EXOC6: variants seen among roughly 807,000 people sequenced by gnomAD.
The protein encoded by EXOC6 is SEC15-like 1.
Under a neutral mutation model 112.5 loss-of-function variants are expected in EXOC6, and 60 were observed. The observed-to-expected ratio is 0.53, with a 90% CI of 0.43 to 0.66. The LOEUF (loss-of-function observed/expected upper bound fraction) is 0.66, where lower values mean the gene tolerates loss of function less well. Among genes scored for constraint, EXOC6 ranks in the 30% least tolerant of loss-of-function variants. The pLI is 0.00. For synonymous variants in EXOC6, 295 were observed against 308.0 expected (o/e 0.96, Z 0.44); for missense variants, 855 against 957.1 (o/e 0.89, Z 1.41).
At chr10:92,970,415 G>A (rs1311096031) in intron 17 of EXOC6, among the ~76,000 whole-genome samples, 1 of 151,840 alleles carries the variant, frequency 6.6e-6, no homozygotes, top group Non-Finnish European at 1.5e-5. Context: ...TAGATTATAT[G>A]CAAATACCAC....
intron 1 of EXOC6, among the ~76,000 whole-genome samples, chr10:92,852,328 C>G (rs1261082683): frequency 6.6e-6 from 1 of 152,116 alleles, no homozygotes; most frequent in Non-Finnish European, 1.5e-5. Flanking sequence ...AAAGACTTTT[C>G]TGGAAAATTG....
intron 12 of EXOC6, among the ~76,000 whole-genome samples, chr10:92,939,975 T>G (rs1248097115): frequency 6.6e-6 from 1 of 152,082 alleles, no homozygotes; most frequent in Non-Finnish European, 1.5e-5. Flanking sequence ...TACAGAAAAT[T>G]GAGGGAGAGC....
chr10:92,968,572 T>C lies in EXOC6; in HGVS notation c.1774-5481T>C, dbSNP rs1842160237. 2.0e-5 allele frequency among the ~76,000 whole-genome samples: 3 copies of C among 152,310 alleles called. No individual in the cohort carries two copies. In the South Asian group the frequency reaches 6.2e-4, roughly 32 times the overall value. ...AATAACTACACTAAGTTAAGCCAACTTGGGCAATTTGGAAGGCTTGGAATT... is the reference window on the plus strand; with the variant it reads ...AATAACTACACTAAGTTAAGCCAACCTGGGCAATTTGGAAGGCTTGGAATT... On this transcript the variant is annotated intron_variant, in intron 17 of 21. Coordinates refer to ENST00000260762, the MANE Select transcript of EXOC6 (RefSeq NM_019053.6).
rs543318944 is a variant in EXOC6 at position 92,996,424 on chromosome 10, T to C, written c.1954-1050T>C. ...TCACAAGGTCAGATCGAGACCATCC[T>C]GGCTAACATGGTGAAACTCTGTCTC... On this transcript the variant is annotated intron_variant, in intron 18 of 21. Transcript: ENST00000260762. Among the ~76,000 whole-genome samples, 72 of 152,272 alleles carry C rather than the reference T, an allele frequency of 4.7e-4. No homozygotes were observed. In the South Asian group the frequency reaches 8.3e-3, roughly 18 times the overall value.
intron 20 of EXOC6, among the ~76,000 whole-genome samples, chr10:93,025,538 A>G (rs984422669): frequency 6.6e-6 from 1 of 152,218 alleles, no homozygotes; most frequent in South Asian, 2.1e-4. Flanking sequence ...TCTTCCAAAT[A>G]TAATCCTATG....
chr10:92,842,691 TG>T (rs1283771650), intron 1 of EXOC6, among the ~76,000 whole-genome samples: 2 of 150,524 alleles, frequency 1.3e-5, no homozygotes, highest in African/African-American at 4.9e-5. Context: ...TCTTATAAAC[TG>T]GTGGTGGTGG....
intron 7 of EXOC6, among the ~76,000 whole-genome samples, chr10:92,918,048 G>A (rs1851208484): frequency 6.6e-6 from 1 of 152,286 alleles, no homozygotes; most frequent in South Asian, 2.1e-4. Flanking sequence ...GGGAGGCTGA[G>A]GTGGGAGAAT....
chr10:92,962,805 C>T (rs913535388), intron 17 of EXOC6, among the ~76,000 whole-genome samples: 2 of 152,234 alleles, frequency 1.3e-5, no homozygotes, highest in East Asian at 1.9e-4. Context: ...CAAATAACAA[C>T]AGTGTGTAAT....
intron 1 of EXOC6, among the ~76,000 whole-genome samples, chr10:92,837,448 T>C (rs1380791958): frequency 6.6e-6 from 1 of 152,066 alleles, no homozygotes; most frequent in Non-Finnish European, 1.5e-5. Context: ...AGGTGGGAGA[T>C]CGCTTGAGGC....
intron 20 of EXOC6, among the ~76,000 whole-genome samples, chr10:93,042,951 TA>T (rs1564933924): frequency 1.8e-4 from 21 of 115,448 alleles, no homozygotes; most frequent in Admixed American, 8.7e-4. Flanking sequence ...TTATTATTAT[TA>T]TTATTATTTT....
At chr10:92,967,471 T>C (rs1589934198) in intron 17 of EXOC6, among the ~76,000 whole-genome samples, 1 of 152,276 alleles carries the variant, frequency 6.6e-6, no homozygotes, top group East Asian at 1.9e-4. Context: ...AACTAACATC[T>C]TTATTTTATT....
intron 18 of EXOC6, among the ~76,000 whole-genome samples, chr10:92,978,364 C>T (rs1023184897): frequency 3.3e-5 from 5 of 151,968 alleles, no homozygotes; most frequent in African/African-American, 1.2e-4. Flanking sequence ...GAGCCGTAAT[C>T]ATGCTACTGT....
chr10:92,955,686 C>T lies in EXOC6; in HGVS notation c.1745C>T (p.Thr582Ile), dbSNP rs1853653441. ...ATTTCCCAAGAAACTGTTCATACTA[C>T]AAGACTTTATGGACTTTCTACTTTC... The part of the protein sequence containing the change: ...TNISQETVHT[T>I]RLYGLSTFKD... Residue 582 changes from threonine (T) to isoleucine (I), a missense_variant, in exon 17 of 22, where the codon ACA (threonine) becomes ATA (isoleucine). Physicochemically the swap from Thr to Ile is moderately conservative, Grantham distance 89. Transcript: ENST00000260762. The T allele has an allele frequency of 1.2e-6, 2 of 1,611,530 alleles. No individual in the cohort carries two copies. Among genetic ancestry groups the T allele is most frequent in the South Asian group, 2.2e-5 (2 of 90,778 alleles).
chr10:92,887,801 G>T (rs745724070), intron 1 of EXOC6, among the ~76,000 whole-genome samples: 20 of 152,108 alleles, frequency 1.3e-4, no homozygotes, highest in Admixed American at 7.2e-4. Context: ...GCTTTTTCTA[G>T]GGCCAGCATT....
chr10:93,038,222 A>C (rs1845605807), intron 20 of EXOC6, among the ~76,000 whole-genome samples: 1 of 152,070 alleles, frequency 6.6e-6, no homozygotes, highest in Non-Finnish European at 1.5e-5. Flanking sequence ...AGTGGATATT[A>C]TAACCACAAT....
intron 12 of EXOC6, among the ~76,000 whole-genome samples, chr10:92,940,479 A>G (rs1457426878): frequency 6.6e-6 from 1 of 152,156 alleles, no homozygotes; most frequent in African/African-American, 2.4e-5. Flanking sequence ...CTAACACTGT[A>G]ATCATTACTA....
At chr10:93,054,048 A>T (rs1026440244) in intron 20 of EXOC6, among the ~76,000 whole-genome samples, 2 of 152,202 alleles carry the variant, frequency 1.3e-5, no homozygotes, top group Non-Finnish European at 2.9e-5. Context: ...ATATAAGTTA[A>T]TGGTTTCTAT....
intron 13 of EXOC6, among the ~76,000 whole-genome samples, chr10:92,943,408 A>G (rs1242698630): frequency 1.3e-5 from 2 of 152,136 alleles, no homozygotes; most frequent in Non-Finnish European, 2.9e-5. Context: ...TTGACAACCT[A>G]ACAATTAAAT....
At chr10:92,857,098 GTTA>G (rs1445258386) in intron 1 of EXOC6, among the ~76,000 whole-genome samples, 2 of 149,354 alleles carry the variant, frequency 1.3e-5, no homozygotes, top group African/African-American at 4.9e-5. Flanking sequence ...CATATTTAAT[GTTA>G]TTATTTACAT....
Sources: gnomAD v4.1 joint callset for allele counts (sites outside exome capture counted in the v4.1 genomes callset) on GRCh38, gnomAD v4.1.1 for gene constraint, MANE v1.5 for transcripts, NCBI Gene and HGNC (gene_info 2026-07-23, HGNC 2026-07-21) for gene names.